Variants in TDRD9 observed in about 807,000 individuals in gnomAD.
TDRD9 encodes the protein tudor domain containing 9, also known as ATP-dependent RNA helicase TDRD9.
A neutral mutation model predicts 172.6 loss-of-function variants in TDRD9; 124 were observed. That is an observed-to-expected ratio of 0.72 (90% CI 0.62 to 0.83). The LOEUF is 0.83. TDRD9 is among the 40% of genes least tolerant of loss of function. The pLI is 0.00. For missense variants in TDRD9, 1,479 were observed against 1,714.1 expected (o/e 0.86, Z 2.42); for synonymous variants, 619 against 617.1 (o/e 1.00, Z -0.05).
intron 30 of TDRD9, among the ~76,000 whole-genome samples, chr14:104,033,649 A>G (rs1330566308): frequency 6.6e-6 from 1 of 152,040 alleles, no homozygotes; most frequent in Non-Finnish European, 1.5e-5. Context: ...AGTGCAGGAC[A>G]GAGGGTCTCG....
At chr14:103,989,498 A>G (rs943873646) in intron 8 of TDRD9, among the ~76,000 whole-genome samples, 3 of 152,254 alleles carry the variant, frequency 2.0e-5, no homozygotes, top group Non-Finnish European at 4.4e-5. Flanking sequence ...CGAGAAAGGC[A>G]TCTTTAGGTC....
intron 24 of TDRD9, among the ~76,000 whole-genome samples, chr14:104,024,358 G>A (rs1296892175): frequency 6.6e-6 from 1 of 151,970 alleles, no homozygotes; most frequent in African/African-American, 2.4e-5. Flanking sequence ...ATAATTTTTG[G>A]GATGTGTACC....
chr14:104,009,685 G>C (rs963470941), intron 20 of TDRD9, among the ~76,000 whole-genome samples: 1 of 151,940 alleles, frequency 6.6e-6, no homozygotes, highest in African/African-American at 2.4e-5. Context: ...TTAACACTTA[G>C]CTTAAAACAC....
intron 1 of TDRD9, among the ~76,000 whole-genome samples, chr14:103,943,041 T>G (rs887220816): frequency 6.7e-6 from 1 of 148,360 alleles, no homozygotes; most frequent in African/African-American, 2.5e-5. Flanking sequence ...CATTTTCGTG[T>G]TTTTTTTTTG....
intron 1 of TDRD9, among the ~76,000 whole-genome samples, chr14:103,947,835 C>G (rs993272543): frequency 6.6e-6 from 1 of 152,136 alleles, no homozygotes; most frequent in South Asian, 2.1e-4. Context: ...GGATATGACA[C>G]CAAAGGCACA....
intron 8 of TDRD9, among the ~76,000 whole-genome samples, chr14:103,988,746 A>G (rs1245704589): frequency 1.4e-5 from 2 of 147,026 alleles, no homozygotes; most frequent in Non-Finnish European, 3.0e-5. Flanking sequence ...CAGGCTGGGT[A>G]CAGTGGAGTG....
In TDRD9 at chr14:104,021,696, T is replaced by A. The variant is rs141889827; in HGVS notation, c.2433-461T>A. 4.1e-3 allele frequency among the ~76,000 whole-genome samples: 623 copies of A among 152,106 alleles called. 5 individuals are homozygous for A. Among genetic ancestry groups the A allele is most frequent in the African/African-American group, 0.013 (560 of 41,492 alleles). On this transcript the variant is annotated intron_variant, in intron 23 of 35. Transcript: ENST00000409874. ...CGAGACTCCATCTCAAAAAAATAAATAAATAAATAAAAATAAATTTAATGC... is the reference window on the plus strand; with the variant it reads ...CGAGACTCCATCTCAAAAAAATAAAAAAATAAATAAAAATAAATTTAATGC...
At chr14:103,952,333 C>T (rs1381177092) in intron 1 of TDRD9, among the ~76,000 whole-genome samples, 1 of 141,544 alleles carries the variant, frequency 7.1e-6, no homozygotes, top group Non-Finnish European at 1.5e-5. Flanking sequence ...CTCCGCCTCC[C>T]GGGTTCACGC....
Position 103,949,784 on chromosome 14 carries a change from A to T in TDRD9, c.216-5880A>T, listed in dbSNP as rs887292413. ...AACATCCGCCTCCCAGGTTCAAGTG[A>T]TTCTCCTGCCTCAGCCTCCCGAGTA... On this transcript the variant is annotated intron_variant, in intron 1 of 35. Transcript: ENST00000409874. Among the ~76,000 whole-genome samples the T allele has an allele frequency of 2.6e-5, 4 of 152,066 alleles. No homozygotes were observed. In the East Asian group the frequency reaches 7.7e-4, roughly 29 times the overall value.
intron 2 of TDRD9, among the ~76,000 whole-genome samples, chr14:103,958,793 A>G (rs889930905): frequency 6.6e-6 from 1 of 152,212 alleles, no homozygotes. Context: ...CCAGAACTGT[A>G]AGAGAATAAA....
chr14:104,048,170 T>C (rs1196084543), intron 34 of TDRD9, among the ~76,000 whole-genome samples: 1 of 152,246 alleles, frequency 6.6e-6, no homozygotes, highest in Non-Finnish European at 1.5e-5. Context: ...GTGCCTAGTC[T>C]TAACCTGTAA....
intron 32 of TDRD9, among the ~76,000 whole-genome samples, chr14:104,039,897 A>G (rs2035562362): frequency 6.6e-6 from 1 of 152,214 alleles, no homozygotes; most frequent in Non-Finnish European, 1.5e-5. Context: ...CAAGGGAAAA[A>G]AAAACCCATT....
chr14:103,994,219 C>G, intron 9 of TDRD9, 113 bp from the exon 10 acceptor site: 2 of 893,380 alleles, frequency 2.2e-6, no homozygotes, highest in Middle Eastern at 3.4e-4. Context: ...ATAAAGAAGT[C>G]AAATAAATTG....
At chr14:104,014,453 AT>A (rs939053091) in intron 20 of TDRD9, among the ~76,000 whole-genome samples, 3 of 151,050 alleles carry the variant, frequency 2.0e-5, no homozygotes, top group East Asian at 2.0e-4. Context: ...CTAACTTTGT[AT>A]TTTTTTTGTA....
chr14:103,992,750 C>T (rs1407599964), intron 9 of TDRD9, among the ~76,000 whole-genome samples: 1 of 151,778 alleles, frequency 6.6e-6, no homozygotes, highest in African/African-American at 2.4e-5. Context: ...GGTGAAACCT[C>T]ATCTTTACTG....
intron 1 of TDRD9, among the ~76,000 whole-genome samples, chr14:103,955,347 CAGAG>C (rs1011163377): frequency 6.6e-6 from 1 of 152,124 alleles, no homozygotes; most frequent in Non-Finnish European, 1.5e-5. Flanking sequence ...GCCTGGGTGA[CAGAG>C]AGAGACCTTG....
Position 104,000,590 on chromosome 14 carries a change from G to A in TDRD9, c.1483+1862G>A, listed in dbSNP as rs1482367511. Among the ~76,000 whole-genome samples the A allele has an allele frequency of 2.6e-5, 4 of 152,124 alleles. No individual in the cohort carries two copies. In the South Asian group the frequency reaches 8.3e-4, roughly 32 times the overall value. On this transcript the variant is annotated intron_variant, in intron 13 of 35. Coordinates refer to ENST00000409874, the MANE Select transcript of TDRD9 (RefSeq NM_153046.3). The stretch of plus-strand genomic sequence containing the variant: ...ATTTGAGGTCAGGAGTTCAAGACCA[G>A]CCTGGCCAACATGGTGAAACCCTGT...
chr14:103,960,850 T>C (rs1299685010), intron 2 of TDRD9, among the ~76,000 whole-genome samples: 1 of 152,262 alleles, frequency 6.6e-6, no homozygotes, highest in Non-Finnish European at 1.5e-5. Flanking sequence ...AAGCCAATAT[T>C]GTCTAAGTAA....
intron 32 of TDRD9, among the ~76,000 whole-genome samples, chr14:104,036,660 T>A (rs894361524): frequency 2.6e-5 from 4 of 152,218 alleles, no homozygotes; most frequent in Non-Finnish European, 4.4e-5. Context: ...TGCAAGCGTT[T>A]AGGTTGTAGA....
Sources: gnomAD v4.1 joint callset for allele counts (sites outside exome capture counted in the v4.1 genomes callset) on GRCh38, gnomAD v4.1.1 for gene constraint, MANE v1.5 for transcripts, NCBI Gene and HGNC (gene_info 2026-07-23, HGNC 2026-07-21) for gene names.